The following SOX5 variants were observed in gnomAD, a reference collection of about 807,000 sequenced individuals.
SOX5 encodes SRY-box transcription factor 5, also known as transcription factor SOX-5.
A neutral mutation model predicts 92.0 loss-of-function variants in SOX5; 9 were observed. That is an observed-to-expected ratio of 0.10 (90% CI 0.06 to 0.17). The LOEUF is 0.17. Ranked by LOEUF, SOX5 falls within the 10% of genes least tolerant of loss-of-function variation. SOX5 has a pLI of 1.00. For synonymous variants in SOX5, 344 were observed against 336.3 expected, an observed-to-expected ratio of 1.02 and a Z score of -0.25; for missense variants, 642 against 944.5, an observed-to-expected ratio of 0.68 and a Z score of 4.20.
intron 2 of SOX5, among the ~76,000 whole-genome samples, chr12:24,310,997 A>G (rs1949111418): frequency 6.6e-6 from 1 of 152,216 alleles, no homozygotes; most frequent in Admixed American, 6.5e-5. Context: ...TGGGACCTTG[A>G]CAATTGAGAA....
intron 2 of SOX5, among the ~76,000 whole-genome samples, chr12:24,280,910 A>G (rs927261745): frequency 1.3e-5 from 2 of 151,326 alleles, no homozygotes; most frequent in African/African-American, 2.4e-5. Context: ...TATTTTTATG[A>G]TATCAAATAT....
At chr12:24,318,312 T>A (rs1427035032) in intron 2 of SOX5, among the ~76,000 whole-genome samples, 1 of 152,204 alleles carries the variant, frequency 6.6e-6, no homozygotes, top group Non-Finnish European at 1.5e-5. Flanking sequence ...AAGCAGTGTG[T>A]GTGATTTCTG....
intron 9 of SOX5, among the ~76,000 whole-genome samples, chr12:23,590,311 T>G (rs1354208754): frequency 6.6e-6 from 1 of 152,054 alleles, no homozygotes; most frequent in African/African-American, 2.4e-5. Context: ...GAAGTTAGAC[T>G]TCATTTTTTA....
intron 6 of SOX5, among the ~76,000 whole-genome samples, chr12:23,692,104 C>T (rs982009779): frequency 6.6e-6 from 1 of 151,910 alleles, no homozygotes; most frequent in African/African-American, 2.4e-5. Flanking sequence ...AATTTCCTGC[C>T]TCCTAAAATT....
intron 10 of SOX5, among the ~76,000 whole-genome samples, chr12:23,564,475 C>T (rs1946734702): frequency 6.6e-6 from 1 of 152,144 alleles, no homozygotes; most frequent in African/African-American, 2.4e-5. Context: ...CTAACCAGAT[C>T]CATTGGTGAA....
At chr12:24,447,298 C>G (rs1022926358) in intron 1 of SOX5, among the ~76,000 whole-genome samples, 1 of 152,152 alleles carries the variant, frequency 6.6e-6, no homozygotes, top group Non-Finnish European at 1.5e-5. Flanking sequence ...ATGAAAACGG[C>G]ACTTCAGCTT....
intron 3 of SOX5, among the ~76,000 whole-genome samples, chr12:23,788,556 T>C (rs2095419919): frequency 6.6e-6 from 1 of 151,962 alleles, no homozygotes; most frequent in Non-Finnish European, 1.5e-5. Context: ...AATTGTATAA[T>C]GGCCTGGGAA....
intron 1 of SOX5, among the ~76,000 whole-genome samples, chr12:24,426,089 C>T (rs947602859): frequency 6.6e-6 from 1 of 152,182 alleles, no homozygotes; most frequent in African/African-American, 2.4e-5. Context: ...AATCCCAGCA[C>T]TTTGGGAGGC....
At chr12:24,317,671 T>C (rs1949824044) in intron 2 of SOX5, among the ~76,000 whole-genome samples, 1 of 152,186 alleles carries the variant, frequency 6.6e-6, no homozygotes, top group Admixed American at 6.5e-5. Context: ...ATTCTCTTTG[T>C]TAATGCTGAC....
intron 4 of SOX5, among the ~76,000 whole-genome samples, chr12:24,124,349 T>C (rs1334526574): frequency 6.6e-6 from 1 of 152,164 alleles, no homozygotes; most frequent in African/African-American, 2.4e-5. Context: ...TCTCTTCTAA[T>C]GGCCACAGAA....
At chr12:24,306,783 T>C (rs1269320278) in intron 2 of SOX5, among the ~76,000 whole-genome samples, 1 of 152,134 alleles carries the variant, frequency 6.6e-6, no homozygotes, top group Non-Finnish European at 1.5e-5. Flanking sequence ...GCCACCCTTC[T>C]ACTCCTACCC....
chr12:24,262,593 G>C (rs1346079854), intron 3 of SOX5, among the ~76,000 whole-genome samples: 1 of 152,132 alleles, frequency 6.6e-6, no homozygotes, highest in African/African-American at 2.4e-5. Flanking sequence ...TGAGACAACT[G>C]GCATTCCTAA....
At chr12:24,399,681 C>G (rs1486365070) in intron 1 of SOX5, among the ~76,000 whole-genome samples, 1 of 152,114 alleles carries the variant, frequency 6.6e-6, no homozygotes, top group African/African-American at 2.4e-5. Flanking sequence ...TTGCCAGTAG[C>G]AGGAAGACTA....
At chr12:24,246,638 G>T (rs1938800481) in intron 3 of SOX5, among the ~76,000 whole-genome samples, 1 of 151,884 alleles carries the variant, frequency 6.6e-6, no homozygotes, top group Non-Finnish European at 1.5e-5. Context: ...GTAGTGTACA[G>T]GTGCAAAGTA....
At chr12:24,113,440 T>C (rs1222572026) in intron 4 of SOX5, among the ~76,000 whole-genome samples, 1 of 151,996 alleles carries the variant, frequency 6.6e-6, no homozygotes, top group African/African-American at 2.4e-5. Context: ...TTAATGTATA[T>C]TGAAGTTTAC....
At chr12:24,072,252 G>A (rs1002458570) in intron 4 of SOX5, among the ~76,000 whole-genome samples, 5 of 152,218 alleles carry the variant, frequency 3.3e-5, no homozygotes, top group South Asian at 2.1e-4. Flanking sequence ...CTTGAGATGC[G>A]TGGATATTTC....
chr12:23,649,563 C>T (rs1311356686), intron 7 of SOX5, among the ~76,000 whole-genome samples: 1 of 152,030 alleles, frequency 6.6e-6, no homozygotes, highest in Non-Finnish European at 1.5e-5. Flanking sequence ...CATTAATTTG[C>T]TTCTTATTTC....
At chr12:23,566,192 A>G (rs930225107) in intron 10 of SOX5, among the ~76,000 whole-genome samples, 1 of 152,174 alleles carries the variant, frequency 6.6e-6, no homozygotes, top group Non-Finnish European at 1.5e-5. Flanking sequence ...GTAGATACTT[A>G]AGGTTCTCTT....
At chr12:23,627,604 TC>T (rs2078000418) in intron 8 of SOX5, among the ~76,000 whole-genome samples, 1 of 152,070 alleles carries the variant, frequency 6.6e-6, no homozygotes, top group African/African-American at 2.4e-5. Flanking sequence ...TGTCATTTAA[TC>T]CTCACAACAC....
Sources: gnomAD v4.1 joint callset for allele counts (sites outside exome capture counted in the v4.1 genomes callset) on GRCh38, gnomAD v4.1.1 for gene constraint, MANE v1.5 for transcripts, NCBI Gene and HGNC (gene_info 2026-07-23, HGNC 2026-07-21) for gene names.